The following PTK2 variants were observed in gnomAD, a reference collection of about 807,000 sequenced individuals.
PTK2 encodes focal adhesion kinase 1.
PTK2 carries 45 observed loss-of-function variants against 150.1 expected under a neutral mutation model. That is an observed-to-expected ratio of 0.30 (90% CI 0.24 to 0.38). PTK2 has a LOEUF of 0.38. PTK2 is among the 10% of genes least tolerant of loss of function. PTK2 has a pLI of 1.00. For synonymous variants in PTK2, 432 were observed against 449.2 expected, an observed-to-expected ratio of 0.96 and a Z score of 0.48; for missense variants, 919 against 1,307.3, an observed-to-expected ratio of 0.70 and a Z score of 4.58.
intron 26 of PTK2, among the ~76,000 whole-genome samples, chr8:140,691,049 A>C (rs2100022880): frequency 6.6e-6 from 1 of 152,202 alleles, no homozygotes; most frequent in Admixed American, 6.5e-5. Flanking sequence ...TAAAATAAAT[A>C]GTTCTTTTAT....
intron 27 of PTK2, among the ~76,000 whole-genome samples, chr8:140,683,601 A>G (rs943614751): frequency 1.3e-5 from 2 of 152,174 alleles, no homozygotes; most frequent in African/African-American, 4.8e-5. Flanking sequence ...AAATTCCTCA[A>G]CATAATACTG....
intron 26 of PTK2, among the ~76,000 whole-genome samples, chr8:140,690,641 A>G (rs140587098): frequency 1.6e-4 from 25 of 152,340 alleles, no homozygotes; most frequent in African/African-American, 5.1e-4. Flanking sequence ...GGAAGTAATT[A>G]TCATTAGTTA....
intron 3 of PTK2, among the ~76,000 whole-genome samples, chr8:140,882,590 T>C (rs889118267): frequency 6.6e-6 from 1 of 152,210 alleles, no homozygotes; most frequent in Non-Finnish European, 1.5e-5. Flanking sequence ...TAGACATTCA[T>C]GGTAAAAGAA....
At chr8:140,715,506 C>T (rs1564943843) in intron 23 of PTK2, among the ~76,000 whole-genome samples, 1 of 152,044 alleles carries the variant, frequency 6.6e-6, no homozygotes, top group Non-Finnish European at 1.5e-5. Context: ...GTTGCCAAAT[C>T]TTTTCTTTAA....
At position 140,669,313 on chromosome 8, in the gene PTK2, A is replaced by G. The variant is rs867205223; in HGVS notation, c.2710-889T>C. The G allele has an allele frequency of 4.4e-4, 56 of 127,598 alleles. 1 individual carries two copies. The highest frequency in any genetic ancestry group is 1.8e-3 in the African/African-American group (55 of 30,884). 7.9% of individuals were successfully genotyped at this position (127,598 alleles called of 1,614,324 possible). Reference sequence around the variant, plus strand: ...CCAGCATAAAATGGTATATATATATATATATATATATATATATATATATAT... The same window carrying G: ...CCAGCATAAAATGGTATATATATATGTATATATATATATATATATATATAT... On this transcript the variant is annotated intron_variant, in intron 29 of 31. Transcript: ENST00000522684.
intron 1 of PTK2, among the ~76,000 whole-genome samples, chr8:140,953,285 T>G (rs2100180116): frequency 6.6e-6 from 1 of 152,166 alleles, no homozygotes; most frequent in Non-Finnish European, 1.5e-5. Flanking sequence ...AAGGTTTAAT[T>G]TATAAATTAG....
chr8:140,974,417 AGCATGTTGAAGCATTCCAT>A (rs1338116721), intron 1 of PTK2, among the ~76,000 whole-genome samples: 1 of 152,218 alleles, frequency 6.6e-6, no homozygotes, highest in East Asian at 1.9e-4. Flanking sequence ...TAATGTTCAT[AGCATGTTGAAGCATTCCAT>A]GCCCGTCAGT....
In PTK2 at chr8:140,743,334, A is replaced by G; in HGVS notation, c.1635-4T>C. The G allele has an allele frequency of 3.1e-6, 5 of 1,607,490 alleles. No individual in the cohort carries two copies. Among genetic ancestry groups the G allele is most frequent in the Non-Finnish European group, 4.3e-6 (5 of 1,174,720 alleles). ...AACATTCCGAGCAGCAATGTCCCTGATAAAGAAGAATTTGAGACAATAAGA... is the reference window on the plus strand; with the variant it reads ...AACATTCCGAGCAGCAATGTCCCTGGTAAAGAAGAATTTGAGACAATAAGA... On this transcript the variant is annotated splice_region_variant and splice_polypyrimidine_tract_variant and intron_variant, in intron 19 of 31. Coordinates refer to ENST00000522684, the Ensembl canonical transcript of PTK2.
intron 10 of PTK2, among the ~76,000 whole-genome samples, chr8:140,807,008 G>A (rs2100098505): frequency 6.6e-6 from 1 of 152,094 alleles, no homozygotes; most frequent in Non-Finnish European, 1.5e-5. Context: ...TTTATAACTA[G>A]AAGGAAAGCC....
At chr8:140,926,227 T>G (rs1337203805) in intron 1 of PTK2, among the ~76,000 whole-genome samples, 3 of 152,198 alleles carry the variant, frequency 2.0e-5, no homozygotes, top group Non-Finnish European at 4.4e-5. Flanking sequence ...TAGATGATAT[T>G]ACAATCCATG....
chr8:140,907,242 T>A (rs2100161286), intron 2 of PTK2, among the ~76,000 whole-genome samples: 1 of 152,218 alleles, frequency 6.6e-6, no homozygotes. Flanking sequence ...TCTTCTCTAC[T>A]ATGAGTGAGT....
At chr8:140,875,238 G>T (rs2100144823) in intron 4 of PTK2, among the ~76,000 whole-genome samples, 2 of 152,112 alleles carry the variant, frequency 1.3e-5, no homozygotes. Flanking sequence ...AAGCCAGGGA[G>T]CTAGAGTTGA....
intron 26 of PTK2, among the ~76,000 whole-genome samples, chr8:140,690,186 T>G (rs968933062): frequency 3.9e-5 from 6 of 151,998 alleles, no homozygotes; most frequent in African/African-American, 1.5e-4. Flanking sequence ...TCACCTGACC[T>G]CATGATCTGC....
At chr8:140,927,971 A>AT (rs1209829069) in intron 1 of PTK2, among the ~76,000 whole-genome samples, 60 of 66,912 alleles carry the variant, frequency 9.0e-4, no homozygotes, top group African/African-American at 2.3e-3. Flanking sequence ...AAAAAAAAAA[A>AT]AAAAATATAT....
chr8:140,668,557 G>T, intron 29 of PTK2, 133 bp from the exon 34 acceptor site: 1 of 1,020,438 alleles, frequency 9.8e-7, no homozygotes, highest in Non-Finnish European at 1.4e-6. Context: ...TGTGTGTGCG[G>T]GATATAGTTC....
chr8:140,953,668 G>A (rs2100180247), intron 1 of PTK2, among the ~76,000 whole-genome samples: 1 of 152,198 alleles, frequency 6.6e-6, no homozygotes, highest in Non-Finnish European at 1.5e-5. Flanking sequence ...CTAACATTGG[G>A]TAACTGAACC....
At chr8:140,690,135 G>C (rs1455613950) in intron 26 of PTK2, among the ~76,000 whole-genome samples, 1 of 151,600 alleles carries the variant, frequency 6.6e-6, no homozygotes, top group Non-Finnish European at 1.5e-5. Flanking sequence ...TGTATTTTCA[G>C]TAGAGATGGG....
chr8:140,887,262 G>T (rs1160519032), intron 3 of PTK2, among the ~76,000 whole-genome samples: 1 of 152,120 alleles, frequency 6.6e-6, no homozygotes, highest in African/African-American at 2.4e-5. Flanking sequence ...TCATACTGAG[G>T]TGCTTCACAC....
chr8:140,788,681 C>CT (rs1303251624), intron 14 of PTK2, among the ~76,000 whole-genome samples: 5 of 151,894 alleles, frequency 3.3e-5, no homozygotes, highest in African/African-American at 1.2e-4. Context: ...GAGACTCTGT[C>CT]TCAAAAAAAA....
Sources: allele counts gnomAD v4.1 joint callset (sites outside exome capture counted in the v4.1 genomes callset), GRCh38; gene constraint gnomAD v4.1.1; transcripts MANE v1.5; gene names NCBI Gene and HGNC (gene_info 2026-07-23, HGNC 2026-07-21).